KIF6: variants seen among roughly 807,000 people sequenced by gnomAD.
The protein encoded by KIF6 is kinesin-like protein KIF6.
KIF6 carries 106 observed loss-of-function variants against 112.7 expected under a neutral mutation model. The observed-to-expected ratio is 0.94, with a 90% CI of 0.80 to 1.11. The LOEUF (loss-of-function observed/expected upper bound fraction) is 1.11, where lower values mean the gene tolerates loss of function less well. Ranked by LOEUF, KIF6 falls within the 50% of genes least tolerant of loss-of-function variation. The pLI is 0.00. For synonymous variants in KIF6, 339 were observed against 339.9 expected, an observed-to-expected ratio of 1.00 and a Z score of 0.03; for missense variants, 929 against 964.0, an observed-to-expected ratio of 0.96 and a Z score of 0.48.
intron 13 of KIF6, among the ~76,000 whole-genome samples, chr6:39,506,048 G>C (rs1315535658): frequency 1.3e-5 from 2 of 152,210 alleles, no homozygotes; most frequent in African/African-American, 2.4e-5. Context: ...AAAGATACAT[G>C]CATGCATATG....
At chr6:39,715,384 G>A (rs1464762033) in intron 2 of KIF6, among the ~76,000 whole-genome samples, 4 of 152,084 alleles carry the variant, frequency 2.6e-5, no homozygotes, top group African/African-American at 9.7e-5. Context: ...ATTGGCAATG[G>A]CTTAGGGGAA....
chr6:39,555,497 G>A (rs1195681694), intron 10 of KIF6, among the ~76,000 whole-genome samples: 2 of 152,132 alleles, frequency 1.3e-5, no homozygotes, highest in Non-Finnish European at 2.9e-5. Context: ...GAGTAGGGGT[G>A]GGGGAGGGTG....
chr6:39,550,604 T>C (rs1396657337), intron 10 of KIF6, among the ~76,000 whole-genome samples: 1 of 152,222 alleles, frequency 6.6e-6, no homozygotes, highest in Non-Finnish European at 1.5e-5. Context: ...GGTAGAACCA[T>C]GGAAATTGGT....
At chr6:39,554,149 CA>C in intron 10 of KIF6, 1 of 158,212 alleles carries the variant, frequency 6.3e-6, no homozygotes, top group East Asian at 1.9e-4. Context: ...GAAGCAAGAG[CA>C]AAAACCGGAC....
chr6:39,437,808 T>C (rs1228406784), intron 13 of KIF6, among the ~76,000 whole-genome samples: 1 of 152,196 alleles, frequency 6.6e-6, no homozygotes, highest in Non-Finnish European at 1.5e-5. Flanking sequence ...CATAATGTCA[T>C]AGTGCAACAC....
At chr6:39,353,442 T>G (rs561343642) in intron 19 of KIF6, among the ~76,000 whole-genome samples, 3 of 152,368 alleles carry the variant, frequency 2.0e-5, no homozygotes, top group African/African-American at 7.2e-5. Flanking sequence ...TATTGTTGAA[T>G]TTTTAGAGCT....
At chr6:39,722,814 G>A (rs1790296442) in intron 1 of KIF6, among the ~76,000 whole-genome samples, 2 of 152,178 alleles carry the variant, frequency 1.3e-5, no homozygotes, top group Non-Finnish European at 2.9e-5. Context: ...GTGTGTATGT[G>A]TGTGTGACAC....
intron 13 of KIF6, among the ~76,000 whole-genome samples, chr6:39,521,417 C>T (rs1055194127): frequency 1.3e-5 from 2 of 152,110 alleles, no homozygotes; most frequent in Non-Finnish European, 2.9e-5. Context: ...ATTTTATAAA[C>T]ATCCAACTTA....
At chr6:39,390,155 T>C (rs778207213) in intron 15 of KIF6, among the ~76,000 whole-genome samples, 1 of 152,144 alleles carries the variant, frequency 6.6e-6, no homozygotes, top group Non-Finnish European at 1.5e-5. Context: ...CTCAATGTTA[T>C]CATTTGAAAA....
intron 3 of KIF6, among the ~76,000 whole-genome samples, chr6:39,710,536 C>G (rs568731474): frequency 6.7e-6 from 1 of 149,330 alleles, no homozygotes; most frequent in East Asian, 2.0e-4. Flanking sequence ...ATACCACATT[C>G]ACAAGCAAGA....
chr6:39,573,028 A>G (rs891808007), intron 10 of KIF6, among the ~76,000 whole-genome samples: 1 of 150,718 alleles, frequency 6.6e-6, no homozygotes, highest in Non-Finnish European at 1.5e-5. Context: ...TATCTACTAA[A>G]TATCTGCTTT....
rs951660479 is a variant in KIF6, at chr6:39,330,251, A to G, written c.*6281T>C. The G allele has an allele frequency of 2.0e-4, 31 of 152,254 alleles. No individual in the cohort carries two copies. Among genetic ancestry groups the G allele is most frequent in the African/African-American group, 7.5e-4 (31 of 41,436 alleles). 9.4% of individuals were successfully genotyped at this position (152,254 alleles called of 1,614,324 possible). ...CACCTTGGGACATCTGGTCAACCCT[A>G]TGCATGCACTGGAGAACTTCCTGAA... On this transcript the variant is annotated 3_prime_UTR_variant, in exon 23 of 23. Transcript: ENST00000287152.
chr6:39,599,897 T>C (rs766899442), intron 6 of KIF6, among the ~76,000 whole-genome samples: 1 of 152,176 alleles, frequency 6.6e-6, no homozygotes, highest in Non-Finnish European at 1.5e-5. Context: ...TAAACTAAAA[T>C]TGTATATTCT....
At chr6:39,714,562 C>T (rs1789723110) in intron 3 of KIF6, 130 bp downstream of exon 3, 2 of 632,846 alleles carry the variant, frequency 3.2e-6, no homozygotes, top group East Asian at 2.8e-5. Context: ...GGTATTAATG[C>T]CATCATCATT....
intron 10 of KIF6, among the ~76,000 whole-genome samples, chr6:39,555,397 C>T (rs1306060147): frequency 6.6e-6 from 1 of 152,104 alleles, no homozygotes; most frequent in Non-Finnish European, 1.5e-5. Flanking sequence ...TCTTTTGCTG[C>T]CCCCCACCCT....
rs919495346 is a variant in KIF6 at position 39,346,376 on chromosome 6, G to A, written c.2231+100C>T. ...TAGAACTCTCATGAATGGGATTAGAGTCCTTATAAAAGAGACATTGGAGAG... is the reference window on the plus strand; with the variant it reads ...TAGAACTCTCATGAATGGGATTAGAATCCTTATAAAAGAGACATTGGAGAG... On this transcript the variant is annotated intron_variant, in intron 20 of 22. Coordinates refer to ENST00000287152, the MANE Select transcript of KIF6 (RefSeq NM_145027.6). The A allele has an allele frequency of 9.8e-6, 7 of 712,234 alleles. No individual in the cohort carries two copies. The African/African-American group carries it at 1.2e-4, about 12-fold the overall frequency. The allele number at this position is 712,234 out of a possible 1,614,324, so 44.1% of individuals were successfully genotyped here. A position where few individuals can be genotyped will look rare whatever the true frequency, so the allele number is the denominator to read the frequency against.
intron 13 of KIF6, among the ~76,000 whole-genome samples, chr6:39,479,726 T>C (rs1215633354): frequency 6.6e-6 from 1 of 152,196 alleles, no homozygotes; most frequent in Non-Finnish European, 1.5e-5. Flanking sequence ...TATCCATCCA[T>C]GAGCATGGGA....
intron 3 of KIF6, among the ~76,000 whole-genome samples, chr6:39,687,586 G>A (rs1787949082): frequency 6.6e-6 from 1 of 152,154 alleles, no homozygotes; most frequent in Non-Finnish European, 1.5e-5. Flanking sequence ...TAGGTGGGGA[G>A]GAATGATAAT....
chr6:39,588,315 G>A (rs1453429736), intron 7 of KIF6, among the ~76,000 whole-genome samples: 2 of 152,180 alleles, frequency 1.3e-5, no homozygotes, highest in South Asian at 2.1e-4. Context: ...CTGGGTTCAA[G>A]TGAGCCTTGT....
Sources: allele counts gnomAD v4.1 joint callset (sites outside exome capture counted in the v4.1 genomes callset), GRCh38; gene constraint gnomAD v4.1.1; transcripts MANE v1.5; gene names NCBI Gene and HGNC (gene_info 2026-07-23, HGNC 2026-07-21).